Variants in KATNAL2 observed in about 807,000 individuals in gnomAD.
KATNAL2 encodes the protein katanin p60 ATPase-containing subunit A-like 2.
A neutral mutation model predicts 76.3 loss-of-function variants in KATNAL2; 52 were observed. That is an observed-to-expected ratio of 0.68 (90% CI 0.55 to 0.86). The LOEUF is 0.86. Among genes scored for constraint, KATNAL2 ranks in the 40% least tolerant of loss-of-function variants. The probability of loss-of-function intolerance (pLI) is 0.00; values close to 1 mark genes in which losing one functional copy is unlikely to be tolerated. For synonymous variants in KATNAL2, 243 were observed against 244.2 expected (o/e 1.00, Z 0.05); for missense variants, 660 against 668.9 (o/e 0.99, Z 0.15).
chr18:47,057,807 C>T (rs947239415), intron 6 of KATNAL2, among the ~76,000 whole-genome samples: 5 of 152,226 alleles, frequency 3.3e-5, no homozygotes, highest in Non-Finnish European at 7.3e-5. Context: ...GGGCCAATCC[C>T]TGGATTTCCT....
rs149829202 is a variant in KATNAL2 at position 47,088,604 on chromosome 18, G to A, written c.1212-10639G>A. ...TTTATTCATTCATTTTTGAGAGGGG[G>A]GTCTCACTCTGTTACCCAGGCTGGA... On this transcript the variant is annotated intron_variant, in intron 15 of 17. Transcript: ENST00000683218. Among the ~76,000 whole-genome samples, 68 of 151,846 alleles carry A rather than the reference G, an allele frequency of 4.5e-4. 1 individual carries two copies. The East Asian group carries it at 0.013, about 28-fold the overall frequency.
intron 15 of KATNAL2, among the ~76,000 whole-genome samples, chr18:47,094,354 CTCT>C (rs1319743375): frequency 6.6e-6 from 1 of 152,194 alleles, no homozygotes; most frequent in Non-Finnish European, 1.5e-5. Flanking sequence ...GACTAAGACA[CTCT>C]TCTTGTTTCA....
intron 1 of KATNAL2, among the ~76,000 whole-genome samples, chr18:46,940,095 A>G (rs1025238693): frequency 6.6e-6 from 1 of 152,220 alleles, no homozygotes; most frequent in Non-Finnish European, 1.5e-5. Flanking sequence ...TGAAGAAACA[A>G]AGTTTGAACA....
intron 3 of KATNAL2, among the ~76,000 whole-genome samples, chr18:47,038,221 T>A (rs1453387970): frequency 6.6e-6 from 1 of 152,220 alleles, no homozygotes; most frequent in Non-Finnish European, 1.5e-5. Context: ...TCAGATTTGT[T>A]TAGGATTAAG....
Position 46,950,200 on chromosome 18 carries a change from A to G in KATNAL2, c.51+3277A>G, listed in dbSNP as rs557929815. 1.8e-4 allele frequency among the ~76,000 whole-genome samples: 27 copies of G among 152,344 alleles called. 1 individual carries two copies. In the South Asian group the frequency reaches 5.4e-3, roughly 30 times the overall value. ...TAACAGATAATATAAATTTCTTGGAACTTGAAAGCAAGGCAGGAACTCAAG... is the reference window on the plus strand; with the variant it reads ...TAACAGATAATATAAATTTCTTGGAGCTTGAAAGCAAGGCAGGAACTCAAG... On this transcript the variant is annotated intron_variant, in intron 3 of 17. Coordinates refer to ENST00000683218, the MANE Select transcript of KATNAL2 (RefSeq NM_001387690.1).
intron 1 of KATNAL2, among the ~76,000 whole-genome samples, chr18:46,923,916 A>G (rs1270280761): frequency 2.0e-5 from 3 of 151,802 alleles, no homozygotes; most frequent in Non-Finnish European, 4.4e-5. Flanking sequence ...ACTTTTTGAT[A>G]GGGTTGTTTG....
intron 10 of KATNAL2, among the ~76,000 whole-genome samples, chr18:47,066,789 A>G (rs1016105536): frequency 7.2e-6 from 1 of 139,502 alleles, no homozygotes; most frequent in Non-Finnish European, 1.5e-5. Context: ...AAAATCATTG[A>G]ATATTTTCAT....
Position 47,046,536 on chromosome 18 carries a change from C to T in KATNAL2, c.122+9C>T. ...TATTTAACACAAGAAGGGTATGTTA[C>T]AGTACAAACATTTATAGAGATGATT... On this transcript the variant is annotated intron_variant, in intron 4 of 17. Coordinates refer to ENST00000683218, the MANE Select transcript of KATNAL2 (RefSeq NM_001387690.1). The T allele has an allele frequency of 6.6e-7, 1 of 1,508,674 alleles. No individual in the cohort carries two copies. Among genetic ancestry groups the T allele is most frequent in the Non-Finnish European group, 8.9e-7 (1 of 1,121,966 alleles). 93.5% of individuals were successfully genotyped at this position (1,508,674 alleles called of 1,614,324 possible).
chr18:47,045,458 T>C (rs2061128444), intron 3 of KATNAL2, among the ~76,000 whole-genome samples: 1 of 152,008 alleles, frequency 6.6e-6, no homozygotes, highest in Non-Finnish European at 1.5e-5. Flanking sequence ...CTCGAGTAGC[T>C]GGGATTACAG....
chr18:47,032,654 C>T lies in KATNAL2; in HGVS notation c.52-13803C>T, dbSNP rs1461429594. On this transcript the variant is annotated intron_variant, in intron 3 of 17. Transcript: ENST00000683218. Reference sequence around the variant, plus strand: ...TTTTTGTCTAAGAAGTTCTTATCTACTTGATTTCGAAAAAAAAAAGAAAGG... The same window carrying T: ...TTTTTGTCTAAGAAGTTCTTATCTATTTGATTTCGAAAAAAAAAAGAAAGG... 8.5e-6 allele frequency: 3 copies of T among 351,474 alleles called. No homozygotes were observed. The East Asian group carries it at 2.0e-4, about 23-fold the overall frequency. The allele number at this position is 351,474 out of a possible 1,614,324, so 21.8% of individuals were successfully genotyped here. A position where few individuals can be genotyped will look rare whatever the true frequency, so the allele number is the denominator to read the frequency against.
At chr18:47,096,495 C>G (rs1221408075) in intron 15 of KATNAL2, among the ~76,000 whole-genome samples, 1 of 152,124 alleles carries the variant, frequency 6.6e-6, no homozygotes, top group East Asian at 1.9e-4. Context: ...GCGTGCATCA[C>G]CACACCCGGC....
chr18:46,940,715 T>C (rs1316684256), intron 1 of KATNAL2, among the ~76,000 whole-genome samples: 7 of 152,154 alleles, frequency 4.6e-5, no homozygotes, highest in Admixed American at 3.3e-4. Context: ...GTTTGATGAA[T>C]TAATGTATGA....
intron 3 of KATNAL2, among the ~76,000 whole-genome samples, chr18:46,959,614 C>T (rs2059874264): frequency 6.6e-6 from 1 of 152,176 alleles, no homozygotes; most frequent in South Asian, 2.1e-4. Context: ...CTCTTTGTCA[C>T]CCAGGCTGGA....
At chr18:47,083,928 T>C (rs2062646895) in intron 15 of KATNAL2, among the ~76,000 whole-genome samples, 1 of 152,186 alleles carries the variant, frequency 6.6e-6, no homozygotes, top group Non-Finnish European at 1.5e-5. Flanking sequence ...GAAATTCATG[T>C]TTTCCTTGCT....
In KATNAL2 at chr18:47,101,186, G is replaced by A. The variant is rs377611721; in HGVS notation, c.*181G>A. 8.1e-5 allele frequency: 51 copies of A among 632,536 alleles called. No individual in the cohort carries two copies. The East Asian group carries it at 1.1e-3, about 14-fold the overall frequency. 39.2% of individuals were successfully genotyped at this position (632,536 alleles called of 1,614,324 possible). A position where few individuals can be genotyped will look rare whatever the true frequency, so the allele number is the denominator to read the frequency against. On this transcript the variant is annotated 3_prime_UTR_variant, in exon 18 of 18. Transcript: ENST00000683218. ...ATATATTTATTAACTTACCATTATC[G>A]ATGTCAGCAAAATATTGAGAGTTTC...
intron 10 of KATNAL2, 148 bp from the exon 11 acceptor site, chr18:47,066,873 A>ATG (rs2061822075): frequency 2.3e-5 from 2 of 87,214 alleles, no homozygotes; most frequent in African/African-American, 4.3e-5. Flanking sequence ...ATATATATAT[A>ATG]TATATATATA....
At chr18:47,043,791 C>T (rs1483295496) in intron 3 of KATNAL2, among the ~76,000 whole-genome samples, 2 of 148,254 alleles carry the variant, frequency 1.3e-5, no homozygotes, top group African/African-American at 5.0e-5. Flanking sequence ...TGAAAAGTAA[C>T]CTAATAAAAA....
chr18:47,031,965 T>C (rs2060483079), intron 3 of KATNAL2, among the ~76,000 whole-genome samples: 2 of 152,186 alleles, frequency 1.3e-5, no homozygotes, highest in African/African-American at 4.8e-5. Context: ...TGCCCTGCTT[T>C]ATAATGAAAA....
intron 3 of KATNAL2, among the ~76,000 whole-genome samples, chr18:46,951,395 A>G (rs1489282294): frequency 1.5e-5 from 2 of 136,110 alleles, no homozygotes; most frequent in Non-Finnish European, 3.1e-5. Context: ...CTAATCAGGT[A>G]ATTTCTAAGT....
Sources: allele counts gnomAD v4.1 joint callset (sites outside exome capture counted in the v4.1 genomes callset), GRCh38; gene constraint gnomAD v4.1.1; transcripts MANE v1.5; gene names NCBI Gene and HGNC (gene_info 2026-07-23, HGNC 2026-07-21).